Variants in LHPP observed in about 807,000 individuals in gnomAD.
LHPP encodes phospholysine phosphohistidine inorganic pyrophosphate phosphatase.
LHPP carries 24 observed loss-of-function variants against 30.3 expected under a neutral mutation model. That is an observed-to-expected ratio of 0.79 (90% CI 0.57 to 1.11). The LOEUF (loss-of-function observed/expected upper bound fraction) is 1.11. LHPP is among the 50% of genes most tolerant of loss of function. The pLI is 0.00. For missense variants in LHPP, 356 were observed against 367.2 expected, an observed-to-expected ratio of 0.97 and a Z score of 0.25; for synonymous variants, 150 against 157.1, an observed-to-expected ratio of 0.95 and a Z score of 0.34.
At chr10:124,567,595 C>G (rs758798130) in intron 6 of LHPP, among the ~76,000 whole-genome samples, 3 of 152,242 alleles carry the variant, frequency 2.0e-5, no homozygotes, top group Admixed American at 6.5e-5. Flanking sequence ...CACAGGGCAA[C>G]GCTCTGGCTT....
intron 5 of LHPP, among the ~76,000 whole-genome samples, chr10:124,507,096 AGGATTTCAGGTGCAG>A (rs1954130236): frequency 2.4e-5 from 1 of 41,434 alleles, no homozygotes; most frequent in Non-Finnish European, 4.3e-5. Context: ...GGGGGTAGGG[AGGATTTCAGGTGCAG>A]GGGTAGACAG....
intron 6 of LHPP, among the ~76,000 whole-genome samples, chr10:124,519,167 C>G (rs113310721): frequency 0.032 from 4,929 of 152,146 alleles, 247 homozygotes; most frequent in African/African-American, 0.11. Flanking sequence ...AGGCTGGTCT[C>G]GAACTCCTGA....
chr10:124,508,400 T>G (rs1370439156), intron 5 of LHPP, among the ~76,000 whole-genome samples: 1 of 152,134 alleles, frequency 6.6e-6, no homozygotes, highest in Non-Finnish European at 1.5e-5. Context: ...CCTGCAGCCC[T>G]GGTTTGAATT....
At chr10:124,542,743 G>T (rs375605758) in intron 6 of LHPP, among the ~76,000 whole-genome samples, 28 of 152,170 alleles carry the variant, frequency 1.8e-4, no homozygotes, top group African/African-American at 6.3e-4. Context: ...GGCTCACCCC[G>T]CCCTGCTGCC....
In LHPP at chr10:124,579,401, C is replaced by T. The variant is rs146590150; in HGVS notation, c.717-33863C>T. Reference sequence around the variant, plus strand: ...GCACCTATTCATTCTGAGGCCTGGCCGGCCTCTGGAAATCAGCATTTCAGT... The same window carrying T: ...GCACCTATTCATTCTGAGGCCTGGCTGGCCTCTGGAAATCAGCATTTCAGT... On this transcript the variant is annotated intron_variant, in intron 6 of 6. Transcript: ENST00000368842. Among the ~76,000 whole-genome samples, 27 of 152,346 alleles carry T rather than the reference C, an allele frequency of 1.8e-4. No individual in the cohort carries two copies. In the East Asian group the frequency reaches 2.1e-3, roughly 12 times the overall value.
At chr10:124,611,000 GTTAATGA>G (rs1438085163) in intron 6 of LHPP, among the ~76,000 whole-genome samples, 2 of 49,288 alleles carry the variant, frequency 4.1e-5, no homozygotes, top group East Asian at 8.6e-4. Context: ...GGGTGAGGGT[GTTAATGA>G]AGCGGGTGCG....
At chr10:124,497,740 C>T (rs1472213104) in intron 4 of LHPP, among the ~76,000 whole-genome samples, 2 of 152,216 alleles carry the variant, frequency 1.3e-5, no homozygotes, top group African/African-American at 4.8e-5. Context: ...GAGCAGAGCA[C>T]TGCTCTGCTG....
chr10:124,530,066 A>G (rs1183716876), intron 6 of LHPP, among the ~76,000 whole-genome samples: 1 of 152,098 alleles, frequency 6.6e-6, no homozygotes, highest in Non-Finnish European at 1.5e-5. Flanking sequence ...TCTGCCCTGC[A>G]TCAGAGAGGA....
At chr10:124,544,049 C>T (rs1164758673) in intron 6 of LHPP, among the ~76,000 whole-genome samples, 1 of 152,380 alleles carries the variant, frequency 6.6e-6, no homozygotes, top group East Asian at 1.9e-4. Context: ...AGCTGCCGCA[C>T]CCTGGCCTCG....
At chr10:124,491,177 T>A (rs971983326) in intron 3 of LHPP, among the ~76,000 whole-genome samples, 15 of 152,218 alleles carry the variant, frequency 9.9e-5, no homozygotes, top group Non-Finnish European at 1.8e-4. Flanking sequence ...ACAGCTAGAA[T>A]TCTAGAATCA....
intron 2 of LHPP, among the ~76,000 whole-genome samples, chr10:124,486,715 G>C (rs1050184425): frequency 5.9e-5 from 9 of 152,260 alleles, no homozygotes; most frequent in African/African-American, 2.2e-4. Context: ...TAGCGACTCA[G>C]TCTCCAGCCC....
At chr10:124,555,154 C>G (rs1415000001) in intron 6 of LHPP, among the ~76,000 whole-genome samples, 5 of 152,108 alleles carry the variant, frequency 3.3e-5, no homozygotes, top group Non-Finnish European at 7.4e-5. Context: ...GAGGCCCTGA[C>G]CCCTTTGCTC....
chr10:124,529,046 T>C (rs113897842), intron 6 of LHPP, among the ~76,000 whole-genome samples: 14,809 of 108,006 alleles, frequency 0.14, 554 homozygotes, highest in Non-Finnish European at 0.18. Context: ...TTTTTTTTTT[T>C]TTTGAGACAG....
chr10:124,553,975 G>A (rs1948238291), intron 6 of LHPP: 7 of 985,330 alleles, frequency 7.1e-6, no homozygotes, highest in Middle Eastern at 5.2e-4. Context: ...CATGCTCTGG[G>A]AACTGGGCGC....
chr10:124,506,650 AGGGTAGGGAGGATTTCAGGTTGGG>A (rs1406910532), intron 5 of LHPP, among the ~76,000 whole-genome samples: 3 of 102,954 alleles, frequency 2.9e-5, no homozygotes, highest in Non-Finnish European at 5.6e-5. Flanking sequence ...GGAGGTGGGG[AGGGTAGGGAGGATTTCAGGTTGGG>A]GGGTAGGGAA....
intron 6 of LHPP, among the ~76,000 whole-genome samples, chr10:124,545,644 C>T (rs1564822051): frequency 6.7e-6 from 1 of 148,888 alleles, no homozygotes; most frequent in Admixed American, 6.6e-5. Flanking sequence ...GCGGGTGTGT[C>T]AGGGGGCGGG....
chr10:124,472,553 A>G (rs938070325), intron 1 of LHPP, among the ~76,000 whole-genome samples: 1 of 151,324 alleles, frequency 6.6e-6, no homozygotes, highest in African/African-American at 2.5e-5. Context: ...TAATGTGTAT[A>G]AACTTACTTT....
chr10:124,604,196 G>T (rs923584632), intron 6 of LHPP, among the ~76,000 whole-genome samples: 1 of 152,216 alleles, frequency 6.6e-6, no homozygotes. Flanking sequence ...GAACCCAGGG[G>T]ACGGAGGTCG....
chr10:124,552,059 C>G (rs1366074285), intron 6 of LHPP, among the ~76,000 whole-genome samples: 2 of 152,150 alleles, frequency 1.3e-5, no homozygotes, highest in Admixed American at 1.3e-4. Flanking sequence ...CTTCCCAGTG[C>G]CCCATTCCTG....
Sources: allele counts gnomAD v4.1 joint callset (sites outside exome capture counted in the v4.1 genomes callset), GRCh38; gene constraint gnomAD v4.1.1; transcripts MANE v1.5; gene names NCBI Gene and HGNC (gene_info 2026-07-23, HGNC 2026-07-21).